DDX60: variants seen among roughly 807,000 people sequenced by gnomAD.
DDX60 encodes the protein probable ATP-dependent RNA helicase DDX60.
In DDX60, 165 loss-of-function variants were observed where a neutral mutation model predicts 212.8. The ratio of observed to expected loss-of-function variants is 0.78; its 90% confidence interval spans 0.68 to 0.88. The LOEUF (loss-of-function observed/expected upper bound fraction) is 0.88, where lower values mean the gene tolerates loss of function less well. DDX60 is among the 40% of genes least tolerant of loss of function. The pLI is 0.00. For missense variants in DDX60, 1,905 were observed against 2,003.9 expected, an observed-to-expected ratio of 0.95 and a Z score of 0.94; for synonymous variants, 703 against 685.3, an observed-to-expected ratio of 1.03 and a Z score of -0.40.
At chr4:168,295,885 G>C (rs1736319755) in intron 6 of DDX60, among the ~76,000 whole-genome samples, 1 of 152,282 alleles carries the variant, frequency 6.6e-6, no homozygotes, top group East Asian at 1.9e-4. Flanking sequence ...AGGATATTAT[G>C]CTAGGTGAAA....
chr4:168,266,659 AT>A (rs962838317), intron 22 of DDX60, among the ~76,000 whole-genome samples: 1 of 152,222 alleles, frequency 6.6e-6, no homozygotes, highest in African/African-American at 2.4e-5. Flanking sequence ...CAGGTAAGAT[AT>A]CCCCAGTGAA....
At chr4:168,285,367 T>C in intron 11 of DDX60, 26 bp downstream of exon 11, 2 of 1,356,406 alleles carry the variant, frequency 1.5e-6, no homozygotes, top group Non-Finnish European at 2.1e-6. Flanking sequence ...CAAGTATTTA[T>C]TGAGGCACAG....
rs80191154 is a variant in DDX60 at position 168,259,423 on chromosome 4, A to G, written c.3398+1442T>C. 3.7e-3 allele frequency among the ~76,000 whole-genome samples: 570 copies of G among 152,288 alleles called. 2 individuals are homozygous for G. The highest frequency in any genetic ancestry group is 6.0e-3 in the Non-Finnish European group (410 of 68,008). On this transcript the variant is annotated intron_variant, in intron 25 of 37. Coordinates refer to ENST00000393743, the MANE Select transcript of DDX60 (RefSeq NM_017631.6). ...AATGTATTTTCCTTATCCCAACAAC[A>G]AAGATAAAAGGAGTAATATTATTGC... is the stretch of plus-strand genomic sequence containing the variant.
chr4:168,297,297 C>CAAGAAAGAAAGAAAGAAAGAAA (rs1491399857), intron 6 of DDX60, among the ~76,000 whole-genome samples: 15 of 67,388 alleles, frequency 2.2e-4, no homozygotes, highest in Non-Finnish European at 3.4e-4. Flanking sequence ...GAGAGAGAGA[C>CAAGAAAGAAAGAAAGAAAGAAA]GAAAGAAAGA....
intron 33 of DDX60, among the ~76,000 whole-genome samples, chr4:168,229,196 A>G (rs1733361528): frequency 1.3e-5 from 2 of 152,150 alleles, no homozygotes; most frequent in African/African-American, 4.8e-5. Flanking sequence ...GTGAATGTCC[A>G]AAGTGTGAAA....
intron 32 of DDX60, 127 bp downstream of exon 32, chr4:168,237,159 C>G (rs1383756123): frequency 8.3e-6 from 5 of 602,820 alleles, no homozygotes; most frequent in Middle Eastern, 5.0e-4. Flanking sequence ...AATTGAAGAT[C>G]TATAAATTAT....
chr4:168,260,872 A>T lies in DDX60; in HGVS notation c.3391T>A (p.Phe1131Ile), dbSNP rs762060092. Residue 1131 changes from phenylalanine to isoleucine, a missense_variant, in exon 25 of 38, where the codon TTT becomes ATT. Phe to Ile is a conservative substitution (Grantham distance 21). Transcript: ENST00000393743. Reference protein sequence around the residue: ...LRKMEKLPALFFLFKLGAVEN... With the variant: ...LRKMEKLPALIFLFKLGAVEN... ...TTAAATTAAATAACTTACAAAAAAA[A>T]TAGTGCAGGTAACTTCTCCATTTTC... 1 of 1,599,602 alleles carries T rather than the reference A, an allele frequency of 6.3e-7. No homozygotes were observed. The highest frequency in any genetic ancestry group is 1.1e-5 in the South Asian group (1 of 89,180).
At chr4:168,244,068 C>A (rs369617240) in intron 30 of DDX60, among the ~76,000 whole-genome samples, 35 of 152,200 alleles carry the variant, frequency 2.3e-4, no homozygotes, top group African/African-American at 8.2e-4. Flanking sequence ...AACACATGGA[C>A]CCAGGGAGGG....
chr4:168,309,792 G>A (rs1403981344), intron 3 of DDX60, among the ~76,000 whole-genome samples: 1 of 148,950 alleles, frequency 6.7e-6, no homozygotes, highest in South Asian at 2.1e-4. Flanking sequence ...GCTTGAATAG[G>A]TTTTTAATGC....
rs149475109 is a variant in DDX60, at chr4:168,224,250, G to A, written c.4817C>T (p.Pro1606Leu). Residue 1606 changes from proline to leucine, a missense_variant, in exon 35 of 38, where the codon CCA becomes CTA. Transcript: ENST00000393743. ...FDDDLLRLET[P>L]NHVTLGTIGV... is the part of the protein sequence containing the mutation. ...ACCCCACTCTTCACTTACATGGTTT[G>A]GAGTTTCTAGTCGAAGCAAATCATC... 1.6e-4 allele frequency: 263 copies of A among 1,612,068 alleles called. No individual in the cohort carries two copies. The African/African-American group carries it at 2.9e-3, about 18-fold the overall frequency.
chr4:168,293,763 T>C (rs775099130), intron 7 of DDX60, 24 bp downstream of exon 7: 1 of 1,561,126 alleles, frequency 6.4e-7, no homozygotes, highest in East Asian at 2.3e-5. Flanking sequence ...ATAGTATTTC[T>C]CAGTAAAGTT....
At chr4:168,299,423 A>G (rs1579071943) in intron 6 of DDX60, among the ~76,000 whole-genome samples, 2 of 152,010 alleles carry the variant, frequency 1.3e-5, no homozygotes, top group South Asian at 4.1e-4. Flanking sequence ...CCAAAAATCT[A>G]AAAGAAACAA....
chr4:168,306,897 TCA>T (rs769093208), intron 4 of DDX60, among the ~76,000 whole-genome samples, 177 bp from the exon 5 acceptor site: 9 of 152,204 alleles, frequency 5.9e-5, no homozygotes, highest in Admixed American at 5.9e-4. Flanking sequence ...CTGAAAAAAA[TCA>T]CAGTTTGGAT....
intron 6 of DDX60, among the ~76,000 whole-genome samples, chr4:168,301,862 A>AATC (rs1736660740): frequency 2.0e-5 from 3 of 152,244 alleles, no homozygotes; most frequent in Non-Finnish European, 4.4e-5. Flanking sequence ...GCTCAGACAT[A>AATC]TTGTTAGGAT....
chr4:168,255,552 ATC>A (rs1734370376), intron 26 of DDX60, among the ~76,000 whole-genome samples, 157 bp downstream of exon 26: 1 of 152,216 alleles, frequency 6.6e-6, no homozygotes, highest in Admixed American at 6.5e-5. Flanking sequence ...ATGGTCACTC[ATC>A]TTTATCCCAT....
chr4:168,277,763 A>G (rs1190681261), intron 14 of DDX60, among the ~76,000 whole-genome samples: 1 of 147,914 alleles, frequency 6.8e-6, no homozygotes, highest in Non-Finnish European at 1.5e-5. Context: ...GAGCCGAGAT[A>G]GTGCCACTGC....
chr4:168,232,823 C>T (rs927363221), intron 33 of DDX60, among the ~76,000 whole-genome samples: 1 of 151,994 alleles, frequency 6.6e-6, no homozygotes, highest in Non-Finnish European at 1.5e-5. Flanking sequence ...GACCAAGAAC[C>T]CAAAAGCAAA....
chr4:168,279,803 C>A (rs973258714), intron 14 of DDX60, among the ~76,000 whole-genome samples: 26 of 152,104 alleles, frequency 1.7e-4, no homozygotes, highest in African/African-American at 5.8e-4. Flanking sequence ...GATGAAGAAC[C>A]TGAAGCAGAA....
At chr4:168,230,149 C>T (rs1173777426) in intron 33 of DDX60, among the ~76,000 whole-genome samples, 1 of 152,066 alleles carries the variant, frequency 6.6e-6, no homozygotes, top group Non-Finnish European at 1.5e-5. Flanking sequence ...GATAAAAGGA[C>T]TACTCCAACA....
Sources: gnomAD v4.1 joint callset for allele counts (sites outside exome capture counted in the v4.1 genomes callset) on GRCh38, gnomAD v4.1.1 for gene constraint, MANE v1.5 for transcripts, NCBI Gene and HGNC (gene_info 2026-07-23, HGNC 2026-07-21) for gene names.